The following PTPRT variants were observed in gnomAD, a reference collection of about 807,000 sequenced individuals.
The protein encoded by PTPRT is receptor-type tyrosine-protein phosphatase T.
Under a neutral mutation model 176.8 loss-of-function variants are expected in PTPRT, and 56 were observed. That is an observed-to-expected ratio of 0.32 (90% CI 0.26 to 0.40). The LOEUF is 0.40. Among genes scored for constraint, PTPRT ranks in the 10% least tolerant of loss-of-function variants. The pLI, the probability that PTPRT is intolerant of heterozygous loss-of-function variation, is 1.00. For missense variants in PTPRT, 1,540 were observed against 1,908.2 expected, an observed-to-expected ratio of 0.81 and a Z score of 3.60; for synonymous variants, 783 against 739.0, an observed-to-expected ratio of 1.06 and a Z score of -0.96.
intron 3 of PTPRT, among the ~76,000 whole-genome samples, chr20:42,786,671 T>A (rs1375348315): frequency 6.6e-6 from 1 of 152,176 alleles, no homozygotes; most frequent in Non-Finnish European, 1.5e-5. Context: ...ACTCAGTCAA[T>A]TTTCTTGTTC....
chr20:42,198,528 G>A (rs1457346505), intron 16 of PTPRT, among the ~76,000 whole-genome samples: 2 of 152,218 alleles, frequency 1.3e-5, no homozygotes, highest in Admixed American at 1.3e-4. Context: ...TAGAATGGCT[G>A]TAAGAACAGA....
chr20:42,109,703 G>C (rs1229872799), intron 23 of PTPRT, among the ~76,000 whole-genome samples: 1 of 152,006 alleles, frequency 6.6e-6, no homozygotes, highest in East Asian at 1.9e-4. Flanking sequence ...TTGAGTTTTT[G>C]TATCTGTAAA....
intron 13 of PTPRT, among the ~76,000 whole-genome samples, chr20:42,282,106 C>T (rs1415718784): frequency 6.6e-6 from 1 of 152,094 alleles, no homozygotes; most frequent in Non-Finnish European, 1.5e-5. Context: ...AAGTACAGAA[C>T]TCAGTAGATG....
In PTPRT at chr20:42,215,985, T is replaced by A. The variant is rs6072658; in HGVS notation, c.2343-16597A>T. Reference sequence around the variant, plus strand: ...CTGTCTGCTATATCCCAACAAAGCCTGTATGTGGATAGATGATGACCATGA... The same window carrying A: ...CTGTCTGCTATATCCCAACAAAGCCAGTATGTGGATAGATGATGACCATGA... On this transcript the variant is annotated intron_variant, in intron 15 of 30. Transcript: ENST00000373187. Among the ~76,000 whole-genome samples the A allele has an allele frequency of 1.1e-3, 167 of 152,028 alleles. 4 individuals are homozygous for A. Among genetic ancestry groups the A allele is most frequent in the Non-Finnish European group, 6.6e-4 (45 of 68,004 alleles).
At chr20:42,913,815 G>A (rs1427748821) in intron 1 of PTPRT, among the ~76,000 whole-genome samples, 1 of 152,200 alleles carries the variant, frequency 6.6e-6, no homozygotes, top group Non-Finnish European at 1.5e-5. Flanking sequence ...TCAATTTCCA[G>A]TTGTCCCAAG....
intron 9 of PTPRT, among the ~76,000 whole-genome samples, chr20:42,443,297 C>A (rs1010797615): frequency 9.9e-5 from 15 of 152,176 alleles, no homozygotes; most frequent in African/African-American, 3.6e-4. Flanking sequence ...CATGAATTAT[C>A]TGGGGATCTT....
At chr20:42,868,035 G>A (rs185371390) in intron 2 of PTPRT, among the ~76,000 whole-genome samples, 138 of 152,230 alleles carry the variant, frequency 9.1e-4, no homozygotes, top group Non-Finnish European at 1.5e-3. Flanking sequence ...TGGACAAGAC[G>A]GAAATTAATA....
intron 7 of PTPRT, among the ~76,000 whole-genome samples, chr20:42,495,036 C>A (rs867356275): frequency 3.9e-5 from 6 of 152,126 alleles, no homozygotes; most frequent in Admixed American, 1.3e-4. Context: ...TCCTGACTCT[C>A]ATTATTTGCC....
intron 2 of PTPRT, among the ~76,000 whole-genome samples, chr20:42,847,759 T>C (rs6065547): frequency 0.2 from 29,890 of 152,146 alleles, 3,036 homozygotes; most frequent in Admixed American, 0.24. Flanking sequence ...ATGTTCACCT[T>C]GAGACTGTTT....
intron 9 of PTPRT, among the ~76,000 whole-genome samples, chr20:42,444,973 CAA>C (rs2059349943): frequency 6.6e-6 from 1 of 152,144 alleles, no homozygotes; most frequent in African/African-American, 2.4e-5. Context: ...TCTCAATTGC[CAA>C]AAGTTTCTCA....
At chr20:42,969,062 A>G (rs769686403) in intron 1 of PTPRT, 1 of 152,158 alleles carries the variant, frequency 6.6e-6, no homozygotes, top group Non-Finnish European at 1.5e-5. Context: ...TAACATGAAT[A>G]TTGTGTTGAT....
chr20:42,201,539 C>A (rs1169140121), intron 15 of PTPRT, among the ~76,000 whole-genome samples: 1 of 151,880 alleles, frequency 6.6e-6, no homozygotes, highest in African/African-American at 2.4e-5. Flanking sequence ...TGTATAGAGA[C>A]CCATAATATA....
chr20:42,377,554 T>C (rs1278174745), intron 9 of PTPRT, among the ~76,000 whole-genome samples: 2 of 152,238 alleles, frequency 1.3e-5, no homozygotes, highest in East Asian at 1.9e-4. Flanking sequence ...CTGTTGTTAA[T>C]TGGTGGATCC....
intron 4 of PTPRT, among the ~76,000 whole-genome samples, chr20:42,778,685 G>T (rs1456663826): frequency 1.3e-5 from 2 of 152,200 alleles, no homozygotes; most frequent in Non-Finnish European, 2.9e-5. Context: ...CCCAGTCTTA[G>T]GCTCATTCTC....
At position 42,791,206 on chromosome 20, in the gene PTPRT, G is replaced by A. The variant is rs2145546202; in HGVS notation, c.475C>T (p.His159Tyr). ...GTAAAATGCCATACCTGATAGAAAT[G>A]TGGCCAGAAAGTGCTGATGGCGAGC... ...AELAISTFWPHFYQVIFESVS... is the reference protein window; with the variant it reads ...AELAISTFWPYFYQVIFESVS... The change falls in exon 3 of 31, where the codon CAT becomes TAT. Residue 159 changes from histidine to tyrosine, a missense_variant. By Grantham distance (83) the His-to-Tyr change is moderately conservative (BLOSUM62 2). This residue lies in a region of PTPRT where 273 missense variants were observed against 432.1 expected (regional missense o/e 0.63). Transcript: ENST00000373187. 6.3e-7 allele frequency: 1 copy of A among 1,587,088 alleles called. No homozygotes were observed.
chr20:42,509,556 T>TTAATTTATATATATATAAATTAATATATA (rs1555872514), intron 7 of PTPRT, among the ~76,000 whole-genome samples: 1 of 148,660 alleles, frequency 6.7e-6, no homozygotes, highest in Non-Finnish European at 1.5e-5. Flanking sequence ...CAATTTATAT[T>TTAATTTATATATATATAAATTAATATATA]TCTATTCAAA....
chr20:42,894,816 A>G (rs1771002453), intron 1 of PTPRT, among the ~76,000 whole-genome samples: 1 of 152,190 alleles, frequency 6.6e-6, no homozygotes, highest in South Asian at 2.1e-4. Context: ...CATAGGGGGT[A>G]GGCTCTGCCC....
intron 27 of PTPRT, 99 bp downstream of exon 27, chr20:42,098,322 G>A (rs1985494801): frequency 1.3e-6 from 2 of 1,498,278 alleles, no homozygotes; most frequent in African/African-American, 1.4e-5. Context: ...ACAGCTGGCT[G>A]GGGCAGATGT....
chr20:42,453,489 A>C (rs923398444), intron 8 of PTPRT, among the ~76,000 whole-genome samples: 1 of 152,080 alleles, frequency 6.6e-6, no homozygotes, highest in Non-Finnish European at 1.5e-5. Flanking sequence ...TAGTTCAAAG[A>C]ATAATTATTA....
Sources: gnomAD v4.1 joint callset for allele counts (sites outside exome capture counted in the v4.1 genomes callset) on GRCh38, gnomAD v4.1.1 for gene constraint, gnomAD v4.1.1 regional missense constraint, MANE v1.5 for transcripts, NCBI Gene and HGNC (gene_info 2026-07-23, HGNC 2026-07-21) for gene names.